Variants in TMEM119 observed in about 807,000 individuals in gnomAD.
The protein encoded by TMEM119 is osteoblast induction factor.
For missense variants in TMEM119, 410 were observed against 381.0 expected (o/e 1.08, Z -0.63); for synonymous variants, 182 against 176.4 (o/e 1.03, Z -0.25).
At chr12:108,593,745 G>A (rs922563505) in intron 1 of TMEM119, among the ~76,000 whole-genome samples, 4 of 152,198 alleles carry the variant, frequency 2.6e-5, no homozygotes, top group Admixed American at 1.3e-4. Flanking sequence ...CAGACAGCCC[G>A]GCTGATGAAT....
rs921073846 is a variant in TMEM119 at position 108,589,889 on chromosome 12, C to T, written c.*1643G>A. On this transcript the variant is annotated 3_prime_UTR_variant, in exon 2 of 2. Coordinates refer to ENST00000392806, the MANE Select transcript of TMEM119 (RefSeq NM_181724.3). ...TTTATTGTGCTGGTGCATTATATCT[C>T]AGCACCTGGAGAGCTGTGCAGAGGT... 1 of 152,276 alleles carries T rather than the reference C, an allele frequency of 6.6e-6. No individual in the cohort carries two copies. The highest frequency in any genetic ancestry group is 1.5e-5 in the Non-Finnish European group (1 of 68,104). 9.4% of individuals were successfully genotyped at this position (152,276 alleles called of 1,614,324 possible). A position where few individuals can be genotyped will look rare whatever the true frequency, so the allele number is the denominator to read the frequency against.
chr12:108,592,027 C>T lies in TMEM119; in HGVS notation c.357G>A (p.Arg119=). 8 of 1,614,150 alleles carry T rather than the reference C, an allele frequency of 5.0e-6. No individual in the cohort carries two copies. Among genetic ancestry groups the T allele is most frequent in the Non-Finnish European group, 6.8e-6 (8 of 1,179,998 alleles). ...MFIVCAAVIT[R]QKQKASAYYP... is the part of the protein sequence containing the mutation. ...AATAGGCCGAGGCCTTCTGCTTCTG[C>T]CGGGTGATGACCGCGGCACAGACGA... The change falls in exon 2 of 2, where the codon CGG becomes CGA. Residue 119 remains arginine, a synonymous_variant. Transcript: ENST00000392806. The surrounding 1 kb of genome is among the most constrained non-coding windows in gnomAD (Gnocchi z 4.3).
chr12:108,597,424 T>C (rs1034205522), intron 1 of TMEM119, among the ~76,000 whole-genome samples: 1 of 151,430 alleles, frequency 6.6e-6, no homozygotes, highest in Non-Finnish European at 1.5e-5. Context: ...GAGGTCTGGA[T>C]GGGGAGGGGG....
intron 1 of TMEM119, among the ~76,000 whole-genome samples, chr12:108,596,410 T>TAC: frequency 6.9e-6 from 1 of 145,794 alleles, no homozygotes; most frequent in East Asian, 2.2e-4. Flanking sequence ...CACATACACC[T>TAC]ACACACACAT....
In TMEM119 at chr12:108,592,164, G is replaced by A; in HGVS notation, c.220C>T (p.Leu74=). ...TTGGTGGGGGGTGATGGGCCCCCCA[G>A]GGTTATGGGCTGGGGCCCCATCGAT... ...PTSMGPQPIT[L]GGPSPPTNFL... is the part of the protein sequence containing the mutation. The change falls in exon 2 of 2, where the codon CTG becomes TTG. Residue 74 remains leucine, a synonymous_variant. Coordinates refer to ENST00000392806, the MANE Select transcript of TMEM119 (RefSeq NM_181724.3). The surrounding 1 kb of genome is among the most constrained non-coding windows in gnomAD (Gnocchi z 4.3). 6.2e-7 allele frequency: 1 copy of A among 1,614,062 alleles called. No homozygotes were observed. Among genetic ancestry groups the A allele is most frequent in the East Asian group, 2.2e-5 (1 of 44,872 alleles).
At chr12:108,597,759 G>A (rs966255079) in intron 1 of TMEM119, among the ~76,000 whole-genome samples, 5 of 151,772 alleles carry the variant, frequency 3.3e-5, no homozygotes, top group Non-Finnish European at 4.4e-5. Context: ...GGCCCCAGCC[G>A]CACACACACA....
Position 108,592,855 on chromosome 12 carries a change from G to A in TMEM119, c.-14-458C>T, listed in dbSNP as rs928789494. On this transcript the variant is annotated intron_variant, in intron 1 of 1. Transcript: ENST00000392806. This position sits in a 1 kb window ranked among gnomAD's most constrained non-coding sequence, Gnocchi z 4.3. Reference sequence around the variant, plus strand: ...TGAAAAAACAGAGGCTGAGAGGGACGTGGTGACTTGCCAGGGAAGAGCTGG... The same window carrying A: ...TGAAAAAACAGAGGCTGAGAGGGACATGGTGACTTGCCAGGGAAGAGCTGG... Among the ~76,000 whole-genome samples the A allele has an allele frequency of 2.6e-5, 4 of 152,090 alleles. No homozygotes were observed. Among genetic ancestry groups the A allele is most frequent in the South Asian group, 2.1e-4 (1 of 4,816 alleles).
In TMEM119 at chr12:108,595,540, TAC is replaced by T. The variant is rs533081333; in HGVS notation, c.-15+2428_-15+2429del. ...CATATACACCCCACACACAACCACGTACACACATGCCCCACACACACCCCTAT... is the reference window on the plus strand; with the variant it reads ...CATATACACCCCACACACAACCACGTACACATGCCCCACACACACCCCTAT... On this transcript the variant is annotated intron_variant, in intron 1 of 1. Coordinates refer to ENST00000392806, the MANE Select transcript of TMEM119 (RefSeq NM_181724.3). Among the ~76,000 whole-genome samples the T allele has an allele frequency of 3.6e-3, 524 of 144,414 alleles. 4 individuals carry two copies. The highest frequency in any genetic ancestry group is 0.012 in the African/African-American group (459 of 38,578). 94.7% of individuals were successfully genotyped at this position (144,414 alleles called of 152,430 possible). A position where few individuals can be genotyped will look rare whatever the true frequency, so the allele number is the denominator to read the frequency against.
In TMEM119 at chr12:108,592,099, C is replaced by A; in HGVS notation, c.285G>T (p.Val95=). The part of the protein sequence containing the change: ...DGIVDFFRQY[V]MLIAVVGSLA... ...GGGAGCCCACCACAGCAATCAGCAT[C>A]ACGTACTGGCGGAAGAAGTCCACTA... Residue 95 remains valine, a synonymous_variant, in exon 2 of 2, where the codon GTG becomes GTT. Transcript: ENST00000392806. This position sits in a 1 kb window ranked among gnomAD's most constrained non-coding sequence, Gnocchi z 4.3. The A allele has an allele frequency of 6.2e-7, 1 of 1,614,206 alleles. No homozygotes were observed. The highest frequency in any genetic ancestry group is 1.1e-5 in the South Asian group (1 of 91,082).
Position 108,592,512 on chromosome 12 carries a change from T to A in TMEM119, c.-14-115A>T, listed in dbSNP as rs1477416029. ...GGAGCATGAAACACCTTCTAGCAAG[T>A]CCCTTCCATTCCCAGGGCCTGAGCC... On this transcript the variant is annotated intron_variant, in intron 1 of 1. Transcript: ENST00000392806. This position sits in a 1 kb window ranked among gnomAD's most constrained non-coding sequence, Gnocchi z 4.3. 1 of 1,158,512 alleles carries A rather than the reference T, an allele frequency of 8.6e-7. No individual in the cohort carries two copies. Among genetic ancestry groups the A allele is most frequent in the East Asian group, 2.6e-5 (1 of 38,858 alleles). 71.8% of individuals were successfully genotyped at this position (1,158,512 alleles called of 1,614,324 possible).
At chr12:108,595,515 C>T (rs1434445763) in intron 1 of TMEM119, among the ~76,000 whole-genome samples, 1 of 151,202 alleles carries the variant, frequency 6.6e-6, no homozygotes, top group Non-Finnish European at 1.5e-5. Context: ...CACACATACC[C>T]ATATACACCC....
At position 108,591,725 on chromosome 12, in the gene TMEM119, T is replaced by C; in HGVS notation, c.659A>G (p.Gln220Arg). 1 of 1,608,754 alleles carries C rather than the reference T, an allele frequency of 6.2e-7. No individual in the cohort carries two copies. The highest frequency in any genetic ancestry group is 8.5e-7 in the Non-Finnish European group (1 of 1,177,368). The change falls in exon 2 of 2, where the codon CAG becomes CGG. Residue 220 changes from glutamine to arginine, a missense_variant. Transcript: ENST00000392806. The surrounding 1 kb of genome is among the most constrained non-coding windows in gnomAD (Gnocchi z 4.2). ...KGSQEGDQEV[Q>R]GHGVPVETPE... The stretch of plus-strand genomic sequence containing the variant: ...TGTCTCCACTGGGACCCCATGTCCC[T>C]GGACTTCCTGGTCCCCCTCCTGGCT...
At position 108,592,112 on chromosome 12, in the gene TMEM119, A is replaced by C; in HGVS notation, c.272T>G (p.Phe91Cys). The change falls in exon 2 of 2, where the codon TTC becomes TGC. Residue 91 changes from phenylalanine to cysteine, a missense_variant. Phe to Cys is a radical substitution (Grantham distance 205). Coordinates refer to ENST00000392806, the MANE Select transcript of TMEM119 (RefSeq NM_181724.3). This position sits in a 1 kb window ranked among gnomAD's most constrained non-coding sequence, Gnocchi z 4.3. ...TNFLDGIVDF[F>C]RQYVMLIAVV... Reference sequence around the variant, plus strand: ...AGCAATCAGCATCACGTACTGGCGGAAGAAGTCCACTATCCCATCCAGGAA... The same window carrying C: ...AGCAATCAGCATCACGTACTGGCGGCAGAAGTCCACTATCCCATCCAGGAA... 1 of 1,614,158 alleles carries C rather than the reference A, an allele frequency of 6.2e-7. No individual in the cohort carries two copies. The highest frequency in any genetic ancestry group is 1.1e-5 in the South Asian group (1 of 91,082).
Position 108,591,798 on chromosome 12 carries a change from C to T in TMEM119, c.586G>A (p.Gly196Arg), listed in dbSNP as rs766690800. Residue 196 changes from glycine to arginine, a missense_variant, in exon 2 of 2, where the codon GGA (glycine) becomes AGA (arginine). Physicochemically the swap from Gly to Arg is moderately radical, Grantham distance 125. Coordinates refer to ENST00000392806, the MANE Select transcript of TMEM119 (RefSeq NM_181724.3). This position sits in a 1 kb window ranked among gnomAD's most constrained non-coding sequence, Gnocchi z 4.2. Reference protein sequence around the residue: ...PTRAALGGGDGARMVEGRGAE... With the variant: ...PTRAALGGGDRARMVEGRGAE... ...CCCCTGCCCTCCACCATCCTGGCTC[C>T]GTCCCCACCGCCCAGTGCAGCCCTG... The T allele has an allele frequency of 1.5e-5, 24 of 1,591,868 alleles. No individual in the cohort carries two copies. Among genetic ancestry groups the T allele is most frequent in the Admixed American group, 3.5e-5 (2 of 57,818 alleles).
intron 1 of TMEM119, among the ~76,000 whole-genome samples, chr12:108,595,147 C>T (rs2031482454): frequency 6.6e-6 from 1 of 152,036 alleles, no homozygotes; most frequent in South Asian, 2.1e-4. Context: ...GAACCTTCCT[C>T]TGTCTGATCC....
Position 108,591,738 on chromosome 12 carries a change from C to A in TMEM119, c.646G>T (p.Asp216Tyr). The change falls in exon 2 of 2, where the codon GAC becomes TAC. Residue 216 changes from aspartate to tyrosine, a missense_variant. By Grantham distance (160) the Asp-to-Tyr change is radical. Coordinates refer to ENST00000392806, the MANE Select transcript of TMEM119 (RefSeq NM_181724.3). The surrounding 1 kb of genome is among the most constrained non-coding windows in gnomAD (Gnocchi z 4.2). ...EEEEKGSQEGDQEVQGHGVPV... is the reference protein window; with the variant it reads ...EEEEKGSQEGYQEVQGHGVPV... Reference sequence around the variant, plus strand: ...ACCCCATGTCCCTGGACTTCCTGGTCCCCCTCCTGGCTGCCCTTCTCCTCT... The same window carrying A: ...ACCCCATGTCCCTGGACTTCCTGGTACCCCTCCTGGCTGCCCTTCTCCTCT... The A allele has an allele frequency of 6.2e-7, 1 of 1,605,570 alleles. No homozygotes were observed. The highest frequency in any genetic ancestry group is 8.5e-7 in the Non-Finnish European group (1 of 1,175,540).
intron 1 of TMEM119, among the ~76,000 whole-genome samples, chr12:108,596,058 AG>A (rs2031499577): frequency 6.6e-6 from 1 of 152,202 alleles, no homozygotes; most frequent in Non-Finnish European, 1.5e-5. Flanking sequence ...AAGTTGGGAC[AG>A]GGTGACCACA....
chr12:108,592,466 A>C lies in TMEM119; in HGVS notation c.-14-69T>G. 947 of 1,444,282 alleles carry C rather than the reference A, an allele frequency of 6.6e-4. No individual in the cohort carries two copies. Among genetic ancestry groups the C allele is most frequent in the Non-Finnish European group, 7.8e-4 (852 of 1,091,972 alleles). The allele number at this position is 1,444,282 out of a possible 1,614,324, so 89.5% of individuals were successfully genotyped here. On this transcript the variant is annotated intron_variant, in intron 1 of 1. Coordinates refer to ENST00000392806, the MANE Select transcript of TMEM119 (RefSeq NM_181724.3). This position sits in a 1 kb window ranked among gnomAD's most constrained non-coding sequence, Gnocchi z 4.3. ...AGTGTCAGGATTCAGAAACAGGCTC[A>C]CCAGCCCCCAGGAGGAACAGGGAGC...
chr12:108,591,901 C>T lies in TMEM119; in HGVS notation c.483G>A (p.Arg161=). ...GGGAGGAATCCAGGGCTTCCTCGGGCCTGCTGTCGGGGGCTCTGTCGGGGA... is the reference window on the plus strand; with the variant it reads ...GGGAGGAATCCAGGGCTTCCTCGGGTCTGCTGTCGGGGGCTCTGTCGGGGA... The part of the protein sequence containing the change: ...SEVPDRAPDS[R]PEEALDSSRQ... The change falls in exon 2 of 2, where the codon AGG becomes AGA. Residue 161 remains arginine (R), a synonymous_variant. Coordinates refer to ENST00000392806, the MANE Select transcript of TMEM119 (RefSeq NM_181724.3). The surrounding 1 kb of genome is among the most constrained non-coding windows in gnomAD (Gnocchi z 4.2). 6.2e-7 allele frequency: 1 copy of T among 1,612,678 alleles called. No individual in the cohort carries two copies. Among genetic ancestry groups the T allele is most frequent in the Non-Finnish European group, 8.5e-7 (1 of 1,179,506 alleles).
Sources: allele counts gnomAD v4.1 joint callset (sites outside exome capture counted in the v4.1 genomes callset), GRCh38; gene constraint gnomAD v4.1.1; non-coding constraint Gnocchi (gnomAD v3.1); transcripts MANE v1.5; gene names NCBI Gene and HGNC (gene_info 2026-07-23, HGNC 2026-07-21).